The following MTREX variants were observed in gnomAD, a reference collection of about 807,000 sequenced individuals.
MTREX encodes the protein Mtr4 exosome RNA helicase.
MTREX carries 76 observed loss-of-function variants against 135.4 expected under a neutral mutation model. The observed-to-expected ratio is 0.56, with a 90% CI of 0.47 to 0.68. The LOEUF (loss-of-function observed/expected upper bound fraction) is 0.68. Among genes scored for constraint, MTREX ranks in the 30% least tolerant of loss-of-function variants. The pLI is 0.00. For missense variants in MTREX, 920 were observed against 1,262.1 expected, an observed-to-expected ratio of 0.73 and a Z score of 4.11; for synonymous variants, 404 against 401.6, an observed-to-expected ratio of 1.01 and a Z score of -0.07.
At chr5:55,324,019 G>A in intron 2 of MTREX, 113 bp from the exon 3 acceptor site, 2 of 704,868 alleles carry the variant, frequency 2.8e-6, no homozygotes, top group Non-Finnish European at 4.9e-6. Context: ...TTTCCTATTT[G>A]GAATACTGAT....
chr5:55,313,119 T>C (rs1046290531), intron 1 of MTREX, among the ~76,000 whole-genome samples: 4 of 152,232 alleles, frequency 2.6e-5, no homozygotes, highest in Non-Finnish European at 5.9e-5. Flanking sequence ...TTTATAAATG[T>C]ATCATTTCTC....
intron 5 of MTREX, among the ~76,000 whole-genome samples, chr5:55,337,673 T>A (rs1749575323): frequency 6.6e-6 from 1 of 152,074 alleles, no homozygotes; most frequent in Non-Finnish European, 1.5e-5. Flanking sequence ...CTAACTTAAT[T>A]TGTGATTAGA....
chr5:55,396,489 A>G (rs752943603), intron 19 of MTREX, among the ~76,000 whole-genome samples: 5 of 152,190 alleles, frequency 3.3e-5, no homozygotes, highest in Non-Finnish European at 5.9e-5. Context: ...AAGAGGAGGA[A>G]GAGGCAGGCA....
At chr5:55,332,409 T>TA (rs1029935139) in intron 5 of MTREX, among the ~76,000 whole-genome samples, 7 of 151,986 alleles carry the variant, frequency 4.6e-5, no homozygotes, top group Admixed American at 1.3e-4. Context: ...AAGAAACAGA[T>TA]AAAAAAAATG....
intron 25 of MTREX, 43 bp from the exon 26 acceptor site, chr5:55,422,835 G>T (rs772928555): frequency 1.3e-6 from 2 of 1,529,918 alleles, no homozygotes; most frequent in Non-Finnish European, 9.0e-7. Context: ...TGCTGTTCCT[G>T]ATTATTTCCA....
intron 5 of MTREX, among the ~76,000 whole-genome samples, chr5:55,335,134 ATTGT>A (rs1749534512): frequency 6.6e-6 from 1 of 151,942 alleles, no homozygotes; most frequent in South Asian, 2.1e-4. Context: ...ATATCTTTGA[ATTGT>A]TTATTTCAGT....
intron 22 of MTREX, among the ~76,000 whole-genome samples, chr5:55,408,176 A>C (rs528011540): frequency 2.0e-4 from 31 of 151,898 alleles, no homozygotes; most frequent in Admixed American, 1.8e-3. Flanking sequence ...CTGTTGCCAC[A>C]CCCCACACAT....
In MTREX at chr5:55,398,888, C is replaced by T. The variant is rs1309343042; in HGVS notation, c.2293-1345C>T. On this transcript the variant is annotated intron_variant, in intron 20 of 26. Coordinates refer to ENST00000230640, the MANE Select transcript of MTREX (RefSeq NM_015360.5). ...AAGTTAGACTATTTTTTTCTTGGTT[C>T]TTCATAGTCGTTTACATCATTCACC... is the stretch of plus-strand genomic sequence containing the variant. 2.6e-5 allele frequency among the ~76,000 whole-genome samples: 4 copies of T among 151,988 alleles called. No homozygotes were observed. In the South Asian group the frequency reaches 8.3e-4, roughly 32 times the overall value.
Position 55,308,067 on chromosome 5 carries a change from C to T in MTREX, c.54C>T (p.Thr18=), listed in dbSNP as rs532577582. The change falls in exon 1 of 27, where the codon ACC becomes ACT. Residue 18 remains threonine (T), a synonymous_variant. Coordinates refer to ENST00000230640, the MANE Select transcript of MTREX (RefSeq NM_015360.5). The part of the protein sequence containing the change: ...ELFSVFEGDS[T]TAAGTKKDKE... ...TCAGCGTGTTCGAGGGCGACTCGAC[C>T]ACTGCGGCGGGAACCAAAAAAGACA... 2.5e-6 allele frequency: 4 copies of T among 1,614,018 alleles called. No homozygotes were observed. The South Asian group carries it at 4.4e-5, about 18-fold the overall frequency.
At chr5:55,323,464 C>G (rs1222036578) in intron 2 of MTREX, among the ~76,000 whole-genome samples, 1 of 152,064 alleles carries the variant, frequency 6.6e-6, no homozygotes, top group Non-Finnish European at 1.5e-5. Context: ...CTCTGTCACC[C>G]AGGCTGGAGT....
chr5:55,354,768 T>C (rs1391239920), intron 14 of MTREX, among the ~76,000 whole-genome samples: 1 of 152,180 alleles, frequency 6.6e-6, no homozygotes, highest in African/African-American at 2.4e-5. Context: ...GGCTGGGCCC[T>C]AGCCCCTTCC....
chr5:55,355,081 G>A (rs1411414630), intron 14 of MTREX, among the ~76,000 whole-genome samples: 5 of 152,218 alleles, frequency 3.3e-5, no homozygotes, highest in Non-Finnish European at 5.9e-5. Flanking sequence ...AGGGAGAGAT[G>A]CGTAGAAGCT....
chr5:55,400,759 A>G (rs1750712310), intron 21 of MTREX, among the ~76,000 whole-genome samples: 1 of 152,196 alleles, frequency 6.6e-6, no homozygotes, highest in Non-Finnish European at 1.5e-5. Flanking sequence ...ACCACTATGT[A>G]ACTTCAGAAC....
chr5:55,385,040 C>A (rs145793353), intron 18 of MTREX, among the ~76,000 whole-genome samples: 31 of 152,322 alleles, frequency 2.0e-4, no homozygotes, highest in African/African-American at 7.5e-4. Context: ...TGAATTTCCT[C>A]AGGCTCTGTT....
chr5:55,362,408 T>C (rs187324828), intron 15 of MTREX, among the ~76,000 whole-genome samples: 5 of 152,196 alleles, frequency 3.3e-5, no homozygotes, highest in Non-Finnish European at 1.5e-5. Flanking sequence ...TCACCCAGGC[T>C]GGAGTGCAGT....
intron 16 of MTREX, among the ~76,000 whole-genome samples, chr5:55,375,023 A>G (rs972970661): frequency 1.3e-5 from 2 of 152,186 alleles, no homozygotes; most frequent in African/African-American, 4.8e-5. Flanking sequence ...GCAAGTTTTT[A>G]TTAGGGAGTT....
At chr5:55,405,379 T>G in intron 21 of MTREX, 46 bp from the exon 22 acceptor site, 1 of 1,455,322 alleles carries the variant, frequency 6.9e-7, no homozygotes, top group African/African-American at 1.4e-5. Flanking sequence ...CCTTGTACAT[T>G]GTTCACTTTA....
intron 7 of MTREX, among the ~76,000 whole-genome samples, chr5:55,342,472 G>A (rs1749666855): frequency 6.6e-6 from 1 of 152,118 alleles, no homozygotes; most frequent in African/African-American, 2.4e-5. Context: ...AACAAAAAGT[G>A]AGGATTATGA....
At chr5:55,361,359 A>G (rs1161554134) in intron 15 of MTREX, among the ~76,000 whole-genome samples, 1 of 152,162 alleles carries the variant, frequency 6.6e-6, no homozygotes, top group African/African-American at 2.4e-5. Context: ...TATTTTTCCT[A>G]TTGGTGTTAG....
Sources: allele counts gnomAD v4.1 joint callset (sites outside exome capture counted in the v4.1 genomes callset), GRCh38; gene constraint gnomAD v4.1.1; transcripts MANE v1.5; gene names NCBI Gene and HGNC (gene_info 2026-07-23, HGNC 2026-07-21).